ROBO1: variants seen among roughly 807,000 people sequenced by gnomAD.
ROBO1 encodes the protein roundabout guidance receptor 1, also known as roundabout homolog 1.
Under a neutral mutation model 195.9 loss-of-function variants are expected in ROBO1, and 149 were observed. That is an observed-to-expected ratio of 0.76 (90% confidence interval 0.67 to 0.87). The LOEUF (loss-of-function observed/expected upper bound fraction) is 0.87. ROBO1 is among the 40% of genes least tolerant of loss of function. The pLI is 0.00. For missense variants in ROBO1, 1,933 were observed against 2,068.3 expected, an observed-to-expected ratio of 0.93 and a Z score of 1.27; for synonymous variants, 816 against 733.2, an observed-to-expected ratio of 1.11 and a Z score of -1.82.
At chr3:78,722,086 A>C (rs2082057758) in intron 5 of ROBO1, among the ~76,000 whole-genome samples, 1 of 152,164 alleles carries the variant, frequency 6.6e-6, no homozygotes, top group East Asian at 1.9e-4. Flanking sequence ...CTATAGCTCC[A>C]ATTATATATT....
intron 1 of ROBO1, among the ~76,000 whole-genome samples, chr3:79,706,662 G>A (rs1322690594): frequency 6.6e-6 from 1 of 151,988 alleles, no homozygotes; most frequent in Non-Finnish European, 1.5e-5. Flanking sequence ...TTTTATGGGG[G>A]CGGGGGTAGT....
rs543394605 is a variant in ROBO1 at position 78,717,629 on chromosome 3, G to A, written c.778+134C>T. On this transcript the variant is annotated intron_variant, in intron 6 of 30. Coordinates refer to ENST00000464233, the MANE Select transcript of ROBO1 (RefSeq NM_002941.4). Reference sequence around the variant, plus strand: ...CTATTTTATCTCAAGCTGCTTTTCTGATTTCTTCTCTCCTCTTTCTACCCA... The same window carrying A: ...CTATTTTATCTCAAGCTGCTTTTCTAATTTCTTCTCTCCTCTTTCTACCCA... 3.4e-5 allele frequency: 37 copies of A among 1,086,908 alleles called. No homozygotes were observed. The Admixed American group carries it at 6.9e-4, about 20-fold the overall frequency. The allele number at this position is 1,086,908 out of a possible 1,614,324, so 67.3% of individuals were successfully genotyped here. A position where few individuals can be genotyped will look rare whatever the true frequency, so the allele number is the denominator to read the frequency against.
chr3:79,684,526 C>T (rs528517616), intron 1 of ROBO1, among the ~76,000 whole-genome samples: 109 of 152,060 alleles, frequency 7.2e-4, no homozygotes, highest in African/African-American at 2.4e-3. Flanking sequence ...AAAGTATTTG[C>T]GCAGTAAGTT....
At chr3:79,555,822 A>G (rs1010469902) in intron 2 of ROBO1, among the ~76,000 whole-genome samples, 8 of 152,156 alleles carry the variant, frequency 5.3e-5, no homozygotes, top group African/African-American at 1.9e-4. Flanking sequence ...AGCAAAAGTC[A>G]TTCTATTATG....
intron 3 of ROBO1, among the ~76,000 whole-genome samples, chr3:78,990,558 T>C (rs1052201528): frequency 1.3e-5 from 2 of 152,180 alleles, no homozygotes; most frequent in African/African-American, 4.8e-5. Context: ...TATTTATAAG[T>C]ATTGTACTTG....
chr3:79,445,019 G>C (rs1419504147), intron 2 of ROBO1, among the ~76,000 whole-genome samples: 2 of 151,842 alleles, frequency 1.3e-5, no homozygotes, highest in Non-Finnish European at 2.9e-5. Flanking sequence ...GCAAGCAGAA[G>C]TTGGATCCTA....
At chr3:79,099,448 T>G (rs544881969) in intron 3 of ROBO1, among the ~76,000 whole-genome samples, 1 of 151,742 alleles carries the variant, frequency 6.6e-6, no homozygotes, top group African/African-American at 2.4e-5. Flanking sequence ...GCAAGTCAGG[T>G]CAAGCCTCAG....
At chr3:79,097,332 G>C (rs1226585495) in intron 3 of ROBO1, among the ~76,000 whole-genome samples, 1 of 151,748 alleles carries the variant, frequency 6.6e-6, no homozygotes, top group African/African-American at 2.4e-5. Flanking sequence ...CATTCTTTAT[G>C]AATTTTTAAC....
At chr3:79,731,676 G>A (rs1224093144) in intron 1 of ROBO1, among the ~76,000 whole-genome samples, 1 of 152,042 alleles carries the variant, frequency 6.6e-6, no homozygotes, top group Non-Finnish European at 1.5e-5. Flanking sequence ...ATAGATTGAT[G>A]GTATGCAAAT....
At chr3:79,038,366 G>C (rs981993420) in intron 3 of ROBO1, among the ~76,000 whole-genome samples, 2 of 152,104 alleles carry the variant, frequency 1.3e-5, no homozygotes, top group African/African-American at 2.4e-5. Flanking sequence ...ATGAACTTTT[G>C]TCCATCTATG....
chr3:79,404,108 C>T (rs1288647989), intron 2 of ROBO1, among the ~76,000 whole-genome samples: 1 of 151,960 alleles, frequency 6.6e-6, no homozygotes, highest in Admixed American at 6.6e-5. Flanking sequence ...TGAAAAATTG[C>T]TTTTCTATTC....
At chr3:79,283,948 C>G (rs545741542) in intron 2 of ROBO1, among the ~76,000 whole-genome samples, 2 of 151,978 alleles carry the variant, frequency 1.3e-5, no homozygotes, top group African/African-American at 4.8e-5. Flanking sequence ...CCGCCCGCCT[C>G]GGCCTCCCAA....
chr3:79,137,612 A>G (rs763862697), intron 2 of ROBO1, among the ~76,000 whole-genome samples: 12 of 152,072 alleles, frequency 7.9e-5, no homozygotes, highest in Non-Finnish European at 1.6e-4. Context: ...TTACAGTTCT[A>G]TCATGATCCT....
chr3:79,695,193 G>A (rs1198279893), intron 1 of ROBO1, among the ~76,000 whole-genome samples: 2 of 149,704 alleles, frequency 1.3e-5, no homozygotes, highest in African/African-American at 5.0e-5. Flanking sequence ...GATATATATT[G>A]TCTTTTAAAA....
intron 8 of ROBO1, among the ~76,000 whole-genome samples, chr3:78,709,367 CA>C (rs1271625653): frequency 6.6e-6 from 1 of 151,796 alleles, no homozygotes; most frequent in African/African-American, 2.4e-5. Flanking sequence ...CCATGTATAC[CA>C]ATATGCAAGT....
At chr3:79,205,450 T>C (rs543189802) in intron 2 of ROBO1, among the ~76,000 whole-genome samples, 1 of 152,286 alleles carries the variant, frequency 6.6e-6, no homozygotes, top group African/African-American at 2.4e-5. Context: ...ATCTACCTTT[T>C]CTCCATGCAT....
At chr3:78,640,233 T>TA (rs1286081385) in intron 21 of ROBO1, among the ~76,000 whole-genome samples, 1 of 152,134 alleles carries the variant, frequency 6.6e-6, no homozygotes, top group Non-Finnish European at 1.5e-5. Flanking sequence ...TTTAGTGGTT[T>TA]AAAAAAATAC....
rs375464978 is a variant in ROBO1 at position 78,961,689 on chromosome 3, A to G, written c.173-22762T>C. Reference sequence around the variant, plus strand: ...GTGGAACTAATATTCAGACTCCTACAGTCTGTTCCAGAATGTGGGCAGTGA... The same window carrying G: ...GTGGAACTAATATTCAGACTCCTACGGTCTGTTCCAGAATGTGGGCAGTGA... On this transcript the variant is annotated intron_variant, in intron 3 of 30. Coordinates refer to ENST00000464233, the MANE Select transcript of ROBO1 (RefSeq NM_002941.4). Among the ~76,000 whole-genome samples, 29 of 152,332 alleles carry G rather than the reference A, an allele frequency of 1.9e-4. No individual in the cohort carries two copies. The East Asian group carries it at 2.1e-3, about 11-fold the overall frequency.
chr3:79,271,402 A>C (rs927788592), intron 2 of ROBO1, among the ~76,000 whole-genome samples: 1 of 151,994 alleles, frequency 6.6e-6, no homozygotes, highest in Admixed American at 6.6e-5. Flanking sequence ...TACAGAATTG[A>C]CCAAACCAAT....
Sources: gnomAD v4.1 joint callset for allele counts (sites outside exome capture counted in the v4.1 genomes callset) on GRCh38, gnomAD v4.1.1 for gene constraint, MANE v1.5 for transcripts, NCBI Gene and HGNC (gene_info 2026-07-23, HGNC 2026-07-21) for gene names.